The following MMD2 variants were observed in gnomAD, a reference collection of about 807,000 sequenced individuals.
MMD2 encodes monocyte to macrophage differentiation associated 2, also known as monocyte to macrophage differentiation factor 2.
Under a neutral mutation model 33.5 loss-of-function variants are expected in MMD2, and 30 were observed. The observed-to-expected ratio is 0.90, with a 90% CI of 0.67 to 1.22. The LOEUF is 1.22. Ranked by LOEUF, MMD2 falls within the 50% of genes most tolerant of loss-of-function variation. MMD2 has a pLI of 0.00. For synonymous variants in MMD2, 129 were observed against 123.0 expected, an observed-to-expected ratio of 1.05 and a Z score of -0.32; for missense variants, 364 against 325.4, an observed-to-expected ratio of 1.12 and a Z score of -0.91.
At chr7:4,950,528 A>G (rs1478618616) in intron 1 of MMD2, among the ~76,000 whole-genome samples, 1 of 152,114 alleles carries the variant, frequency 6.6e-6, no homozygotes, top group Non-Finnish European at 1.5e-5. Flanking sequence ...TGCCTCTGGC[A>G]GCCACCACTC....
chr7:4,943,721 T>C (rs1350183536), intron 1 of MMD2, among the ~76,000 whole-genome samples: 1 of 152,114 alleles, frequency 6.6e-6, no homozygotes, highest in Admixed American at 6.6e-5. Flanking sequence ...AAAATTCCTA[T>C]CCTAGACACT....
At position 4,925,544 on chromosome 7, in the gene MMD2, G is replaced by A. The variant is rs766245784; in HGVS notation, c.48-12C>T. ...GGTGGTTCATGAACCTGGAAGGAGAGGGAGAATTCCAGGAAGCTCCGCTGG... is the reference window on the plus strand; with the variant it reads ...GGTGGTTCATGAACCTGGAAGGAGAAGGAGAATTCCAGGAAGCTCCGCTGG... On this transcript the variant is annotated splice_polypyrimidine_tract_variant and intron_variant, in intron 1 of 6. Transcript: ENST00000401401. The A allele has an allele frequency of 8.4e-5, 131 of 1,555,838 alleles. 1 individual carries two copies. In the South Asian group the frequency reaches 1.4e-3, roughly 17 times the overall value.
At chr7:4,958,527 AG>A (rs2115171613) in intron 1 of MMD2, among the ~76,000 whole-genome samples, 1 of 152,254 alleles carries the variant, frequency 6.6e-6, no homozygotes, top group South Asian at 2.1e-4. Flanking sequence ...ACTTGCTGGA[AG>A]GGTGGACAGA....
chr7:4,919,143 C>T (rs1346456553), intron 3 of MMD2, among the ~76,000 whole-genome samples: 2 of 151,790 alleles, frequency 1.3e-5, no homozygotes, highest in African/African-American at 2.4e-5. Context: ...GATTCTAGTG[C>T]CTGCATTGCA....
intron 3 of MMD2, among the ~76,000 whole-genome samples, chr7:4,919,211 G>A (rs1785213945): frequency 6.6e-6 from 1 of 152,178 alleles, no homozygotes; most frequent in Admixed American, 6.6e-5. Flanking sequence ...GAAGCCCAGA[G>A]GGGAGCTGGC....
rs183287031 is a variant in MMD2 at position 4,908,632 on chromosome 7, G to A, written c.538-1033C>T. Among the ~76,000 whole-genome samples the A allele has an allele frequency of 1.7e-3, 257 of 151,848 alleles. 1 individual carries two copies. Among genetic ancestry groups the A allele is most frequent in the Non-Finnish European group, 3.1e-3 (210 of 67,976 alleles). On this transcript the variant is annotated intron_variant, in intron 6 of 6. Transcript: ENST00000401401. ...AATGAGCTCAAGGCCGGGCACGGTGGCTCACGCCTATAATCCCAGCACTTT... is the reference window on the plus strand; with the variant it reads ...AATGAGCTCAAGGCCGGGCACGGTGACTCACGCCTATAATCCCAGCACTTT...
intron 6 of MMD2, among the ~76,000 whole-genome samples, chr7:4,908,392 T>C (rs1784919241): frequency 6.6e-6 from 1 of 151,956 alleles, no homozygotes; most frequent in South Asian, 2.1e-4. Flanking sequence ...TCTGCCCACC[T>C]TGGCCTCCCA....
chr7:4,909,509 C>G (rs2115086551), intron 6 of MMD2, among the ~76,000 whole-genome samples: 1 of 152,034 alleles, frequency 6.6e-6, no homozygotes, highest in South Asian at 2.1e-4. Context: ...GTGGTGCAAT[C>G]TCGGCTCACT....
chr7:4,959,157 G>A lies in MMD2; in HGVS notation c.-140C>T. 1 of 589,218 alleles carries A rather than the reference G, an allele frequency of 1.7e-6. No homozygotes were observed. The highest frequency in any genetic ancestry group is 2.4e-6 in the Non-Finnish European group (1 of 417,480). 36.5% of individuals were successfully genotyped at this position (589,218 alleles called of 1,614,324 possible). A position where few individuals can be genotyped will look rare whatever the true frequency, so the allele number is the denominator to read the frequency against. On this transcript the variant is annotated 5_prime_UTR_variant, in exon 1 of 7. Transcript: ENST00000401401. ...GACCTGGTCGGCGCCCGGAGCCGGA[G>A]CCGGAGCCCGAGCCGGAGCTGGAGG...
intron 6 of MMD2, 49 bp from the exon 7 acceptor site, chr7:4,907,648 T>G: frequency 6.3e-7 from 1 of 1,592,992 alleles, no homozygotes; most frequent in East Asian, 2.2e-5. Flanking sequence ...GCAGTCAGTG[T>G]GGCTGAAAGC....
At chr7:4,922,582 AT>A (rs1044031759) in intron 2 of MMD2, among the ~76,000 whole-genome samples, 1 of 151,736 alleles carries the variant, frequency 6.6e-6, no homozygotes, top group African/African-American at 2.4e-5. Flanking sequence ...ATATATATAC[AT>A]TTTTTTTTAG....
At chr7:4,952,893 G>A (rs1457500725) in intron 1 of MMD2, among the ~76,000 whole-genome samples, 2 of 151,796 alleles carry the variant, frequency 1.3e-5, no homozygotes, top group Non-Finnish European at 2.9e-5. Context: ...GGTTCACCAC[G>A]CTGGCCAGGC....
At chr7:4,912,034 G>A (rs1029898147) in intron 4 of MMD2, among the ~76,000 whole-genome samples, 7 of 151,994 alleles carry the variant, frequency 4.6e-5, no homozygotes, top group Admixed American at 2.0e-4. Flanking sequence ...TCTGGGAGGT[G>A]GAAGCTGCAG....
At chr7:4,904,927 A>T (rs1482979640), downstream of MMD2, among the ~76,000 whole-genome samples, 1 of 152,200 alleles carries the variant, frequency 6.6e-6, no homozygotes, top group Non-Finnish European at 1.5e-5. Context: ...GCAGAGGGGA[A>T]GCCCCTAAGT....
Position 4,906,515 on chromosome 7 carries a change from C to G in MMD2, c.*881G>C. The stretch of plus-strand genomic sequence containing the variant: ...TTTGCCCCATCTTATGAATGAATAG[C>G]TCTCGTAATGTCTCTGGATTTTTGG... On this transcript the variant is annotated 3_prime_UTR_variant, in exon 7 of 7. Coordinates refer to ENST00000401401, the MANE Select transcript of MMD2 (RefSeq NM_198403.4). 2 of 398,648 alleles carry G rather than the reference C, an allele frequency of 5.0e-6. No individual in the cohort carries two copies. The highest frequency in any genetic ancestry group is 8.8e-6 in the Non-Finnish European group (2 of 226,082). 24.7% of individuals were successfully genotyped at this position (398,648 alleles called of 1,614,324 possible).
At position 4,937,506 on chromosome 7, in the gene MMD2, T is replaced by C. The variant is rs115346343; in HGVS notation, c.48-11974A>G. Among the ~76,000 whole-genome samples, 708 of 152,186 alleles carry C rather than the reference T, an allele frequency of 4.7e-3. 5 individuals carry two copies. The highest frequency in any genetic ancestry group is 0.017 in the African/African-American group (687 of 41,546). On this transcript the variant is annotated intron_variant, in intron 1 of 6. Transcript: ENST00000401401. ...ATAAATTATAAATTATTTTTTGCTG[T>C]TTTGTTTTTTAGAGAAAATAATGAC...
At chr7:4,894,788 C>T in the MMD2 span, among the ~76,000 whole-genome samples, 5 of 152,216 alleles carry the variant, frequency 3.3e-5, no homozygotes, top group South Asian at 4.2e-4. This position sits in a 1 kb window ranked among gnomAD's most constrained non-coding sequence, Gnocchi z 4.3. Context: ...GCAGCCTCTA[C>T]GCCCCTGCCC....
At chr7:4,958,933 T>G in intron 1 of MMD2, 38 bp downstream of exon 1, 2 of 1,056,248 alleles carry the variant, frequency 1.9e-6, no homozygotes, top group Non-Finnish European at 2.4e-6. Flanking sequence ...CGCGCGCCCC[T>G]CCCTCCCTCC....
chr7:4,905,473 G>A (rs1168975012), downstream of MMD2, among the ~76,000 whole-genome samples: 1 of 151,240 alleles, frequency 6.6e-6, no homozygotes, highest in Non-Finnish European at 1.5e-5. This position sits in a 1 kb window ranked among gnomAD's most constrained non-coding sequence, Gnocchi z 5.0. Context: ...GGGGAGGAAA[G>A]GAGGGAGGGA....
Sources: gnomAD v4.1 joint callset for allele counts (sites outside exome capture counted in the v4.1 genomes callset) on GRCh38, gnomAD v4.1.1 for gene constraint, Gnocchi (gnomAD v3.1) non-coding constraint, MANE v1.5 for transcripts, NCBI Gene and HGNC (gene_info 2026-07-23, HGNC 2026-07-21) for gene names.